The following SLC25A21 variants were observed in gnomAD, a reference collection of about 807,000 sequenced individuals.
SLC25A21 encodes the protein mitochondrial 2-oxodicarboxylate carrier.
SLC25A21 carries 47 observed loss-of-function variants against 43.8 expected under a neutral mutation model. The ratio of observed to expected loss-of-function variants is 1.07; its 90% CI spans 0.85 to 1.37. The LOEUF is 1.37. SLC25A21 is among the 40% of genes most tolerant of loss of function. The probability of loss-of-function intolerance (pLI) is 0.00; values close to 1 mark genes in which losing one functional copy is unlikely to be tolerated. For synonymous variants in SLC25A21, 131 were observed against 121.3 expected (o/e 1.08, Z -0.52); for missense variants, 352 against 350.2 (o/e 1.00, Z -0.04).
At chr14:36,770,561 C>T (rs1291523342) in intron 3 of SLC25A21, among the ~76,000 whole-genome samples, 1 of 152,060 alleles carries the variant, frequency 6.6e-6, no homozygotes, top group African/African-American at 2.4e-5. Flanking sequence ...AATCGTCCTG[C>T]TTGGTTTACA....
At chr14:37,150,896 A>G (rs995916302) in intron 1 of SLC25A21, among the ~76,000 whole-genome samples, 5 of 152,202 alleles carry the variant, frequency 3.3e-5, no homozygotes, top group African/African-American at 1.2e-4. Context: ...AATAACAGCA[A>G]TAGAAGCCTC....
chr14:36,947,263 TCAA>T (rs1158055185), intron 1 of SLC25A21, among the ~76,000 whole-genome samples: 3 of 152,300 alleles, frequency 2.0e-5, no homozygotes, highest in East Asian at 1.9e-4. Context: ...TTAACAACTT[TCAA>T]CAACAAGTAA....
chr14:36,833,624 G>A (rs563385809), intron 2 of SLC25A21, among the ~76,000 whole-genome samples: 1 of 152,318 alleles, frequency 6.6e-6, no homozygotes, highest in African/African-American at 2.4e-5. Context: ...ACTGAACTTG[G>A]CTCTGTGAGG....
intron 1 of SLC25A21, among the ~76,000 whole-genome samples, chr14:37,140,101 A>G (rs985049121): frequency 1.2e-4 from 19 of 152,200 alleles, no homozygotes; most frequent in African/African-American, 4.6e-4. Flanking sequence ...TTTGTCTCAC[A>G]TCTAGTTGGC....
At chr14:36,982,054 C>A (rs1279446273) in intron 1 of SLC25A21, among the ~76,000 whole-genome samples, 1 of 151,990 alleles carries the variant, frequency 6.6e-6, no homozygotes, top group Non-Finnish European at 1.5e-5. Flanking sequence ...TATAGTGATC[C>A]CATATAGTCA....
At chr14:37,019,303 T>C (rs1466971698) in intron 1 of SLC25A21, among the ~76,000 whole-genome samples, 1 of 151,868 alleles carries the variant, frequency 6.6e-6, no homozygotes, top group Non-Finnish European at 1.5e-5. Flanking sequence ...TGAAATACTT[T>C]GCCCTCTAGG....
chr14:36,703,047 C>T (rs189027892), intron 7 of SLC25A21, among the ~76,000 whole-genome samples: 2 of 152,284 alleles, frequency 1.3e-5, no homozygotes, highest in East Asian at 3.9e-4. Flanking sequence ...AGTTTTTCCC[C>T]AGTGGTTTCT....
At position 36,970,659 on chromosome 14, in the gene SLC25A21, C is replaced by T. The variant is rs549358136; in HGVS notation, c.71-95655G>A. On this transcript the variant is annotated intron_variant, in intron 1 of 9. Coordinates refer to ENST00000331299, the MANE Select transcript of SLC25A21 (RefSeq NM_030631.4). ...GGTGAACAAAAATCCAGCTGCACAC[C>T]GATCCTGAGCACTAGCATTAAGTTC... is the stretch of plus-strand genomic sequence containing the variant. Among the ~76,000 whole-genome samples, 13 of 152,230 alleles carry T rather than the reference C, an allele frequency of 8.5e-5. No individual in the cohort carries two copies. In the South Asian group the frequency reaches 2.1e-3, roughly 24 times the overall value.
chr14:37,011,465 T>A (rs747659649), intron 1 of SLC25A21, among the ~76,000 whole-genome samples: 4 of 152,204 alleles, frequency 2.6e-5, no homozygotes, highest in Non-Finnish European at 5.9e-5. Context: ...GGAATAAGCA[T>A]TGATAGGAAT....
At chr14:36,973,824 A>C (rs1009113962) in intron 1 of SLC25A21, among the ~76,000 whole-genome samples, 2 of 152,230 alleles carry the variant, frequency 1.3e-5, no homozygotes, top group African/African-American at 4.8e-5. Flanking sequence ...GAAAACAGCA[A>C]GATAATTCAT....
In SLC25A21 at chr14:36,911,620, C is replaced by T. The variant is rs1891688574; in HGVS notation, c.71-36616G>A. Among the ~76,000 whole-genome samples, 3 of 152,168 alleles carry T rather than the reference C, an allele frequency of 2.0e-5. No individual in the cohort carries two copies. In the South Asian group the frequency reaches 6.2e-4, roughly 32 times the overall value. ...CAGCACAAGTCACATGCAGAGGCCTCATTGGGGAGAACTGAGGCTCTCTAG... is the reference window on the plus strand; with the variant it reads ...CAGCACAAGTCACATGCAGAGGCCTTATTGGGGAGAACTGAGGCTCTCTAG... On this transcript the variant is annotated intron_variant, in intron 1 of 9. Coordinates refer to ENST00000331299, the MANE Select transcript of SLC25A21 (RefSeq NM_030631.4).
intron 1 of SLC25A21, among the ~76,000 whole-genome samples, chr14:37,000,863 T>C (rs4900658): frequency 0.4 from 61,001 of 152,026 alleles, 14,137 homozygotes; most frequent in South Asian, 0.56. Flanking sequence ...CCATCAGCCA[T>C]GATTGTAAGT....
intron 7 of SLC25A21, among the ~76,000 whole-genome samples, chr14:36,699,844 T>G (rs1356413604): frequency 6.6e-6 from 1 of 152,166 alleles, no homozygotes; most frequent in South Asian, 2.1e-4. Context: ...TTTTTCCAGA[T>G]AGTCTGTCAC....
chr14:37,047,357 G>C (rs1961608289), intron 1 of SLC25A21, among the ~76,000 whole-genome samples: 1 of 152,162 alleles, frequency 6.6e-6, no homozygotes, highest in South Asian at 2.1e-4. Flanking sequence ...ACTAACACAG[G>C]ATAACAGATA....
chr14:36,925,207 C>T (rs1401684238), intron 1 of SLC25A21, among the ~76,000 whole-genome samples: 15 of 152,058 alleles, frequency 9.9e-5, no homozygotes, highest in Admixed American at 9.8e-4. Flanking sequence ...AAACAACCTA[C>T]AAAATAGTAA....
chr14:36,899,698 TA>T (rs1891348852), intron 1 of SLC25A21, among the ~76,000 whole-genome samples: 1 of 152,192 alleles, frequency 6.6e-6, no homozygotes, highest in Non-Finnish European at 1.5e-5. Context: ...ATATAGTTAT[TA>T]AAATGAGCAG....
At chr14:36,891,113 G>A (rs899803339) in intron 1 of SLC25A21, among the ~76,000 whole-genome samples, 1 of 152,010 alleles carries the variant, frequency 6.6e-6, no homozygotes, top group African/African-American at 2.4e-5. Context: ...TATTTTAAAG[G>A]ACCTAATCAT....
At chr14:37,159,565 C>T (rs1402001001) in intron 1 of SLC25A21, among the ~76,000 whole-genome samples, 1 of 152,000 alleles carries the variant, frequency 6.6e-6, no homozygotes, top group African/African-American at 2.4e-5. Context: ...TCACAATATA[C>T]AAAAATCAAC....
chr14:36,711,773 G>A (rs977218970), intron 6 of SLC25A21, among the ~76,000 whole-genome samples: 1 of 152,146 alleles, frequency 6.6e-6, no homozygotes, highest in East Asian at 1.9e-4. Flanking sequence ...CAACATGTAA[G>A]TAATTACATC....
Sources: allele counts gnomAD v4.1 joint callset (sites outside exome capture counted in the v4.1 genomes callset), GRCh38; gene constraint gnomAD v4.1.1; transcripts MANE v1.5; gene names NCBI Gene and HGNC (gene_info 2026-07-23, HGNC 2026-07-21).